The following MUC6 variants were observed in gnomAD, a reference collection of about 807,000 sequenced individuals.
MUC6 encodes the protein mucin 6, oligomeric mucus/gel-forming (gene/pseudogene), also known as mucin-6.
Under a neutral mutation model 201.5 loss-of-function variants are expected in MUC6, and 188 were observed. The ratio of observed to expected loss-of-function variants is 0.93; its 90% CI spans 0.83 to 1.05. The LOEUF is 1.05. Ranked by LOEUF, MUC6 falls within the 50% of genes least tolerant of loss-of-function variation. The probability of loss-of-function intolerance (pLI) is 0.00; values close to 1 mark genes in which losing one functional copy is unlikely to be tolerated. For missense variants in MUC6, 2,706 were observed against 3,256.9 expected, an observed-to-expected ratio of 0.83 and a Z score of 4.12; for synonymous variants, 1,228 against 1,389.4, an observed-to-expected ratio of 0.88 and a Z score of 2.58.
At chr11:1,014,278 C>T (rs1272642474) in intron 31 of MUC6, among the ~76,000 whole-genome samples, 2 of 152,252 alleles carry the variant, frequency 1.3e-5, no homozygotes, top group Non-Finnish European at 2.9e-5. Flanking sequence ...GAGCCCTGGG[C>T]CTGTGTGAGC....
Position 1,034,866 on chromosome 11 carries a change from G to A in MUC6, c.52+1738C>T, listed in dbSNP as rs564892799. Among the ~76,000 whole-genome samples, 3 of 152,162 alleles carry A rather than the reference G, an allele frequency of 2.0e-5. No individual in the cohort carries two copies. The South Asian group carries it at 6.2e-4, about 32-fold the overall frequency. On this transcript the variant is annotated intron_variant, in intron 1 of 32. Transcript: ENST00000421673. ...CCGCCGCCCTCGCCCTGCCCCACCC[G>A]CAGGAGGTTCCCCGAGTCCACTGGC...
chr11:1,031,051 A>G lies in MUC6; in HGVS notation c.580T>C (p.Phe194Leu). 3 of 1,560,834 alleles carry G rather than the reference A, an allele frequency of 1.9e-6. No individual in the cohort carries two copies. Among genetic ancestry groups the G allele is most frequent in the South Asian group, 1.2e-5 (1 of 84,836 alleles). ...TNEFVSEEGK[F>L]LEPHKFAALQ... ...GCAGCAAACTTGTGGGGTTCCAGGA[A>G]CTTGCCTGGGGTGCAGAATGGGGGT... is the stretch of plus-strand genomic sequence containing the variant. Residue 194 changes from phenylalanine to leucine, a missense_variant, in exon 6 of 33, where the codon TTC (phenylalanine) becomes CTC (leucine). Around this residue, in one of 10 missense-constraint regions of MUC6, gnomAD observed 1,850 missense variants for 1,958.3 expected, o/e 0.94. Coordinates refer to ENST00000421673, the MANE Select transcript of MUC6 (RefSeq NM_005961.3).
intron 3 of MUC6, 25 bp from the exon 4 acceptor site, chr11:1,031,758 T>C: frequency 6.5e-7 from 1 of 1,550,086 alleles, no homozygotes; most frequent in South Asian, 1.2e-5. Context: ...AAGTCGGTGG[T>C]CGATCCTCAG....
chr11:1,031,921 C>A lies in MUC6; in HGVS notation c.248G>T (p.Ser83Ile). Residue 83 changes from serine to isoleucine, a missense_variant, in exon 3 of 33, where the codon AGT becomes ATT. Physicochemically the swap from Ser to Ile is moderately radical, Grantham distance 142 (BLOSUM62 -2). Transcript: ENST00000421673. Reference protein sequence around the residue: ...ATCKDAFPTFSVQLRRGPDGS... With the variant: ...ATCKDAFPTFIVQLRRGPDGS... ...GTCTGGGCCTCGCCGCAGCTGGACA[C>A]TGAAGGTGGGGAAGGCGTCCTTGCA... 1 of 1,613,440 alleles carries A rather than the reference C, an allele frequency of 6.2e-7. No homozygotes were observed. The highest frequency in any genetic ancestry group is 8.5e-7 in the Non-Finnish European group (1 of 1,179,892).
rs767278489 is a variant in MUC6 at position 1,013,531 on chromosome 11, C to A, written c.7245G>T (p.Thr2415=). The change falls in exon 33 of 33, where the codon ACG becomes ACT. Residue 2415 remains threonine, a synonymous_variant. Transcript: ENST00000421673. The stretch of plus-strand genomic sequence containing the variant: ...GGGTGAGTACGAGCCGCCGGCCAGG[C>A]GTGCTGGGATCGGGGCAGGGCAGCT... The part of the protein sequence containing the change: ...QLELPCPDPS[T]PGRRLVLTLQ... 4 of 1,581,788 alleles carry A rather than the reference C, an allele frequency of 2.5e-6. No homozygotes were observed. Among genetic ancestry groups the A allele is most frequent in the Admixed American group, 1.8e-5 (1 of 55,426 alleles).
Position 1,016,192 on chromosome 11 carries a change from A to G in MUC6, c.6609T>C (p.Ala2203=), listed in dbSNP as rs780085986. 1 of 1,613,452 alleles carries G rather than the reference A, an allele frequency of 6.2e-7. No individual in the cohort carries two copies. The highest frequency in any genetic ancestry group is 8.5e-7 in the Non-Finnish European group (1 of 1,179,758). Residue 2203 remains alanine (A), a synonymous_variant, in exon 31 of 33, where the codon GCT becomes GCC. Coordinates refer to ENST00000421673, the MANE Select transcript of MUC6 (RefSeq NM_005961.3). ...SASPLFPSSP[A]ASTTIRATLP... ...GAGTGGCCCTAATGGTAGTAGAGGC[A>G]GCTGGAGAAGAAGGAAAAAGAGGAG... is the stretch of plus-strand genomic sequence containing the variant.
chr11:1,031,324 C>G, intron 4 of MUC6, 65 bp from the exon 5 acceptor site: 4 of 1,443,042 alleles, frequency 2.8e-6, no homozygotes, highest in Non-Finnish European at 3.7e-6. Flanking sequence ...GTGGAGGGCT[C>G]TCAGTTCCTG....
Position 1,013,945 on chromosome 11 carries a change from T to C in MUC6, c.7096A>G (p.Asn2366Asp), listed in dbSNP as rs1158798366. The change falls in exon 32 of 33, where the codon AAC becomes GAC. Residue 2366 changes from asparagine (N) to aspartate (D), a missense_variant. This residue lies in a region of MUC6 where 586 missense variants were observed against 488.0 expected (regional missense o/e 1.20). Coordinates refer to ENST00000421673, the MANE Select transcript of MUC6 (RefSeq NM_005961.3). ...EEITFKGCMA[N>D]VTVTRCEGAC... is the part of the protein sequence containing the mutation. ...CCCTCACAGCGGGTTACCGTCACGT[T>C]CGCCATGCACCCCTTGAACGTGATC... 6.2e-7 allele frequency: 1 copy of C among 1,609,316 alleles called. No homozygotes were observed. Among genetic ancestry groups the C allele is most frequent in the Non-Finnish European group, 8.5e-7 (1 of 1,178,480 alleles).
At position 1,018,037 on chromosome 11, in the gene MUC6, T is replaced by C. The variant is rs1856701399; in HGVS notation, c.4764A>G (p.Thr1588=). The C allele has an allele frequency of 1.2e-6, 2 of 1,614,008 alleles. No homozygotes were observed. The highest frequency in any genetic ancestry group is 4.5e-5 in the East Asian group (2 of 44,886). Residue 1588 remains threonine, a synonymous_variant, in exon 31 of 33, where the codon ACA becomes ACG. Transcript: ENST00000421673. ...TGAAGGATGTTGCCGTCATGGGACC[T>C]GTGGAAGAGAAGGGACTGCTCCCTG... The part of the protein sequence containing the change: ...PPTGSSPFSS[T]GPMTATSFKT...
intron 27 of MUC6, 68 bp from the exon 28 acceptor site, chr11:1,020,802 C>A: frequency 6.4e-7 from 1 of 1,568,206 alleles, no homozygotes; most frequent in Admixed American, 1.7e-5. Flanking sequence ...CCTCTGGGAG[C>A]TCCGAGGGCC....
In MUC6 at chr11:1,028,250, G is replaced by T; in HGVS notation, c.1729C>A (p.Pro577Thr). 6.3e-7 allele frequency: 1 copy of T among 1,587,194 alleles called. No individual in the cohort carries two copies. The highest frequency in any genetic ancestry group is 8.6e-7 in the Non-Finnish European group (1 of 1,167,752). ...CTGTTGAGCTGGCTCATGGAGCAGGGGTCAGTCTCACGCTCCAGAGCGGCC... is the reference window on the plus strand; with the variant it reads ...CTGTTGAGCTGGCTCATGGAGCAGGTGTCAGTCTCACGCTCCAGAGCGGCC... Reference protein sequence around the residue: ...CPAALERETDPCSMSQLNKVC... With the variant: ...CPAALERETDTCSMSQLNKVC... Residue 577 changes from proline (P) to threonine (T), a missense_variant, in exon 14 of 33, where the codon CCC becomes ACC. By Grantham distance (38) the Pro-to-Thr change is conservative (BLOSUM62 -1). Coordinates refer to ENST00000421673, the MANE Select transcript of MUC6 (RefSeq NM_005961.3).
Position 1,016,485 on chromosome 11 carries a change from G to A in MUC6, c.6316C>T (p.Pro2106Ser), listed in dbSNP as rs751061176. The change falls in exon 31 of 33, where the codon CCT becomes TCT. Residue 2106 changes from proline to serine, a missense_variant. Physicochemically the swap from Pro to Ser is moderately conservative, Grantham distance 74. This residue lies in a region of MUC6 where 586 missense variants were observed against 488.0 expected (regional missense o/e 1.20). Coordinates refer to ENST00000421673, the MANE Select transcript of MUC6 (RefSeq NM_005961.3). The stretch of plus-strand genomic sequence containing the variant: ...AAGTGGGGGAGTTGTGTGGTGATAG[G>A]TGATGACGGTGGCCTTGAGCTAGAG... Reference protein sequence around the residue: ...QNSSSRPPSSPITTQLPHLSS... With the variant: ...QNSSSRPPSSSITTQLPHLSS... The A allele has an allele frequency of 5.6e-6, 9 of 1,611,974 alleles. No individual in the cohort carries two copies. The Admixed American group carries it at 1.3e-4, about 24-fold the overall frequency.
chr11:1,022,862 A>G (rs1348839778), intron 26 of MUC6, among the ~76,000 whole-genome samples: 1 of 152,216 alleles, frequency 6.6e-6, no homozygotes, highest in Non-Finnish European at 1.5e-5. Context: ...TGTGTGAATG[A>G]ATGTGCATGG....
chr11:1,031,061 G>A lies in MUC6; in HGVS notation c.575-5C>T. The A allele has an allele frequency of 6.4e-7, 1 of 1,558,868 alleles. No homozygotes were observed. The highest frequency in any genetic ancestry group is 1.4e-5 in the African/African-American group (1 of 73,248). ...TGTGGGGTTCCAGGAACTTGCCTGGGGTGCAGAATGGGGGTCAGCACCGTG... is the reference window on the plus strand; with the variant it reads ...TGTGGGGTTCCAGGAACTTGCCTGGAGTGCAGAATGGGGGTCAGCACCGTG... On this transcript the variant is annotated splice_polypyrimidine_tract_variant and splice_region_variant and intron_variant, in intron 5 of 32. Transcript: ENST00000421673.
chr11:1,035,021 C>T (rs1857186428), intron 1 of MUC6, among the ~76,000 whole-genome samples: 2 of 152,260 alleles, frequency 1.3e-5, no homozygotes, highest in South Asian at 4.1e-4. Context: ...GGTCCGCCAC[C>T]CCCGGCCTCT....
intron 27 of MUC6, among the ~76,000 whole-genome samples, 160 bp from the exon 28 acceptor site, chr11:1,020,894 T>G (rs1856791702): frequency 6.6e-6 from 1 of 151,128 alleles, no homozygotes; most frequent in Non-Finnish European, 1.5e-5. Context: ...CCCTTTCTCC[T>G]TCCCAGGATG....
At chr11:1,035,112 C>T (rs936813012) in intron 1 of MUC6, among the ~76,000 whole-genome samples, 1 of 152,260 alleles carries the variant, frequency 6.6e-6, no homozygotes, top group African/African-American at 2.4e-5. Flanking sequence ...TGCCTCCCGG[C>T]CCACCGCGGC....
intron 1 of MUC6, among the ~76,000 whole-genome samples, chr11:1,034,681 C>G (rs1857177947): frequency 6.6e-6 from 1 of 152,202 alleles, no homozygotes; most frequent in Non-Finnish European, 1.5e-5. Context: ...GCAATGCCCC[C>G]TGCAACTCAG....
chr11:1,027,887 A>G, intron 15 of MUC6, 70 bp from the exon 16 acceptor site: 10 of 1,577,128 alleles, frequency 6.3e-6, no homozygotes, highest in East Asian at 2.3e-5. Context: ...TCCCAAACCT[A>G]TGCCCTTGGG....
Sources: gnomAD v4.1 joint callset for allele counts (sites outside exome capture counted in the v4.1 genomes callset) on GRCh38, gnomAD v4.1.1 for gene constraint, gnomAD v4.1.1 regional missense constraint, MANE v1.5 for transcripts, NCBI Gene and HGNC (gene_info 2026-07-23, HGNC 2026-07-21) for gene names.